UBTD2: variants seen among roughly 807,000 people sequenced by gnomAD.
The protein encoded by UBTD2 is ubiquitin domain containing 2.
UBTD2 carries 9 observed loss-of-function variants against 19.8 expected under a neutral mutation model. The observed-to-expected ratio is 0.46, with a 90% confidence interval of 0.27 to 0.79. UBTD2 has a LOEUF of 0.79. Ranked by LOEUF, UBTD2 falls within the 30% of genes least tolerant of loss-of-function variation. The pLI, the probability that UBTD2 is intolerant of heterozygous loss-of-function variation, is 0.14. For missense variants in UBTD2, 250 were observed against 300.4 expected, an observed-to-expected ratio of 0.83 and a Z score of 1.24; for synonymous variants, 98 against 103.9, an observed-to-expected ratio of 0.94 and a Z score of 0.35.
intron 1 of UBTD2, among the ~76,000 whole-genome samples, chr5:172,271,770 C>A (rs1755497450): frequency 6.6e-6 from 1 of 152,086 alleles, no homozygotes; most frequent in South Asian, 2.1e-4. Context: ...ATGAACTGAA[C>A]TATTTGTTAC....
chr5:172,216,685 G>A (rs535418446), intron 2 of UBTD2, among the ~76,000 whole-genome samples: 85 of 151,842 alleles, frequency 5.6e-4, no homozygotes, highest in African/African-American at 1.8e-3. Context: ...GGCTGGGCGC[G>A]GTGGCTCATG....
chr5:172,220,973 C>T (rs1409323632), intron 2 of UBTD2, among the ~76,000 whole-genome samples: 3 of 152,194 alleles, frequency 2.0e-5, no homozygotes, highest in Non-Finnish European at 4.4e-5. Context: ...TATACATCAG[C>T]AATGAGCAAG....
intron 2 of UBTD2, among the ~76,000 whole-genome samples, chr5:172,232,434 T>C (rs2879452): frequency 0.32 from 49,254 of 151,828 alleles, 8,076 homozygotes; most frequent in South Asian, 0.42. Context: ...TCAATAACAT[T>C]AGTAACAGAA....
chr5:172,244,206 C>A (rs1012339996), intron 1 of UBTD2, among the ~76,000 whole-genome samples: 1 of 151,790 alleles, frequency 6.6e-6, no homozygotes, highest in Non-Finnish European at 1.5e-5. Context: ...GGAACAAAAA[C>A]CTATTAAGTC....
intron 2 of UBTD2, among the ~76,000 whole-genome samples, chr5:172,229,224 G>A: frequency 6.6e-6 from 1 of 151,824 alleles, no homozygotes; most frequent in East Asian, 1.9e-4. Context: ...CTTTTGGCCG[G>A]GCGCGGTGGC....
intron 2 of UBTD2, among the ~76,000 whole-genome samples, chr5:172,213,785 T>TTTTTC (rs1771493780): frequency 1.3e-5 from 2 of 151,652 alleles, no homozygotes; most frequent in Admixed American, 6.6e-5. Flanking sequence ...CATACCTTTT[T>TTTTTC]TTTTTCTTTT....
At chr5:172,264,692 T>C (rs1755338387) in intron 1 of UBTD2, among the ~76,000 whole-genome samples, 1 of 151,160 alleles carries the variant, frequency 6.6e-6, no homozygotes, top group Non-Finnish European at 1.5e-5. Flanking sequence ...CTGGGCAACA[T>C]GGTGAGACTC....
intron 1 of UBTD2, among the ~76,000 whole-genome samples, chr5:172,234,735 C>G (rs1330326087): frequency 6.6e-6 from 1 of 152,166 alleles, no homozygotes; most frequent in Non-Finnish European, 1.5e-5. Flanking sequence ...GGTGAGACCC[C>G]CATCTCTACA....
chr5:172,261,577 C>T (rs1755270889), intron 1 of UBTD2, among the ~76,000 whole-genome samples: 1 of 152,048 alleles, frequency 6.6e-6, no homozygotes, highest in Non-Finnish European at 1.5e-5. Flanking sequence ...CTCTACTTGA[C>T]CCAGTTAGAT....
At position 172,214,940 on chromosome 5, in the gene UBTD2, A is replaced by G. The variant is rs193144619; in HGVS notation, c.308-2713T>C. ...ACTGAAAAATCAACAGATATTCTTAATCTGTGGGAGAAGTAAGGTCACAGG... is the reference window on the plus strand; with the variant it reads ...ACTGAAAAATCAACAGATATTCTTAGTCTGTGGGAGAAGTAAGGTCACAGG... On this transcript the variant is annotated intron_variant, in intron 2 of 2. Coordinates refer to ENST00000393792, the MANE Select transcript of UBTD2 (RefSeq NM_152277.3). Among the ~76,000 whole-genome samples, 174 of 152,308 alleles carry G rather than the reference A, an allele frequency of 1.1e-3. 3 individuals carry two copies. The highest frequency in any genetic ancestry group is 1.6e-3 in the Non-Finnish European group (112 of 68,028).
chr5:172,239,879 G>C (rs1445332770), intron 1 of UBTD2, among the ~76,000 whole-genome samples: 1 of 152,114 alleles, frequency 6.6e-6, no homozygotes, highest in East Asian at 1.9e-4. Context: ...ACTCCAGCCT[G>C]GGCAACAGAG....
chr5:172,261,950 G>C (rs548611178), intron 1 of UBTD2, among the ~76,000 whole-genome samples: 61 of 152,212 alleles, frequency 4.0e-4, no homozygotes, highest in Non-Finnish European at 7.5e-4. Flanking sequence ...CTACTGCAAG[G>C]AAAGAAAAGC....
chr5:172,228,743 C>T (rs889824631), intron 2 of UBTD2, among the ~76,000 whole-genome samples: 8 of 151,792 alleles, frequency 5.3e-5, no homozygotes, highest in African/African-American at 1.9e-4. Flanking sequence ...ATAAAATAAA[C>T]AAATAAATAA....
chr5:172,241,750 C>G (rs1406517085), intron 1 of UBTD2, among the ~76,000 whole-genome samples: 1 of 152,094 alleles, frequency 6.6e-6, no homozygotes, highest in Admixed American at 6.6e-5. Context: ...TGTGCTGGCT[C>G]ATACCTCTAA....
At chr5:172,236,894 C>T (rs1772021187) in intron 1 of UBTD2, among the ~76,000 whole-genome samples, 2 of 151,982 alleles carry the variant, frequency 1.3e-5, no homozygotes, top group South Asian at 2.1e-4. Flanking sequence ...AAAGAGGAAG[C>T]CAACAGAAAA....
At chr5:172,253,477 T>C (rs1755070701) in intron 1 of UBTD2, among the ~76,000 whole-genome samples, 1 of 149,448 alleles carries the variant, frequency 6.7e-6, no homozygotes, top group African/African-American at 2.5e-5. Context: ...TTTTTTGAGA[T>C]GGAGTCTCAC....
intron 2 of UBTD2, among the ~76,000 whole-genome samples, chr5:172,218,945 A>G (rs1247747741): frequency 6.6e-6 from 1 of 152,064 alleles, no homozygotes; most frequent in African/African-American, 2.4e-5. Context: ...TACTGAAATG[A>G]AAGAGAAGAC....
chr5:172,242,891 C>T (rs532475854), intron 1 of UBTD2, among the ~76,000 whole-genome samples: 1 of 152,190 alleles, frequency 6.6e-6, no homozygotes, highest in East Asian at 1.9e-4. Flanking sequence ...TCCCTCATTC[C>T]CTTTTTAGTA....
chr5:172,267,858 G>A (rs1222937291), intron 1 of UBTD2, among the ~76,000 whole-genome samples: 1 of 152,144 alleles, frequency 6.6e-6, no homozygotes, highest in African/African-American at 2.4e-5. Flanking sequence ...AACGAAAGCT[G>A]GGAAGTCAAC....
Sources: allele counts gnomAD v4.1 joint callset (sites outside exome capture counted in the v4.1 genomes callset), GRCh38; gene constraint gnomAD v4.1.1; transcripts MANE v1.5; gene names NCBI Gene and HGNC (gene_info 2026-07-23, HGNC 2026-07-21).